The following NTM variants were observed in gnomAD, a reference collection of about 807,000 sequenced individuals.
The protein encoded by NTM is IgLON family member 2.
Under a neutral mutation model 42.1 loss-of-function variants are expected in NTM, and 13 were observed. That is an observed-to-expected ratio of 0.31 (90% CI 0.20 to 0.49). The LOEUF (loss-of-function observed/expected upper bound fraction) is 0.49. NTM is among the 20% of genes least tolerant of loss of function. The pLI, the probability that NTM is intolerant of heterozygous loss-of-function variation, is 0.99. For synonymous variants in NTM, 187 were observed against 179.2 expected, an observed-to-expected ratio of 1.04 and a Z score of -0.35; for missense variants, 373 against 452.8, an observed-to-expected ratio of 0.82 and a Z score of 1.60.
intron 1 of NTM, among the ~76,000 whole-genome samples, chr11:131,545,502 A>G (rs952401308): frequency 2.6e-5 from 4 of 152,150 alleles, no homozygotes; most frequent in African/African-American, 7.2e-5. Flanking sequence ...CCATACATCT[A>G]TCCATCCACC....
chr11:131,960,728 C>T (rs1164630094), intron 2 of NTM, among the ~76,000 whole-genome samples: 2 of 152,148 alleles, frequency 1.3e-5, no homozygotes, highest in Admixed American at 6.5e-5. Flanking sequence ...AAAGATCCAT[C>T]CTGTTCCCTT....
chr11:131,604,914 G>A lies in NTM; in HGVS notation c.82+234026G>A, dbSNP rs1341139663. On this transcript the variant is annotated intron_variant, in intron 1 of 8. Coordinates refer to ENST00000683400, the MANE Select transcript of NTM (RefSeq NM_001352005.2). ...TTCTGGACTCTATTCTATTTCATTG[G>A]TCTATATGTCTGCCTTTATGTCAAA... Among the ~76,000 whole-genome samples the A allele has an allele frequency of 2.0e-5, 3 of 150,652 alleles. No homozygotes were observed. In the East Asian group the frequency reaches 5.8e-4, roughly 29 times the overall value.
chr11:131,548,837 A>T (rs1369094633), intron 1 of NTM, among the ~76,000 whole-genome samples: 1 of 152,238 alleles, frequency 6.6e-6, no homozygotes, highest in Admixed American at 6.5e-5. Context: ...ATTTAAGGTC[A>T]GTTACCAAAT....
intron 1 of NTM, among the ~76,000 whole-genome samples, chr11:131,727,907 T>C (rs2135454835): frequency 6.6e-6 from 1 of 152,346 alleles, no homozygotes; most frequent in Middle Eastern, 3.4e-3. Context: ...ATCCTTATTG[T>C]ATAATTTTTG....
At chr11:132,157,726 G>C (rs1001429360) in intron 3 of NTM, among the ~76,000 whole-genome samples, 3 of 152,124 alleles carry the variant, frequency 2.0e-5, no homozygotes, top group Non-Finnish European at 4.4e-5. Context: ...GTAAAACATA[G>C]ATCTCTTGAA....
chr11:131,845,962 C>T (rs2044852448), intron 1 of NTM, among the ~76,000 whole-genome samples: 1 of 152,000 alleles, frequency 6.6e-6, no homozygotes, highest in Admixed American at 6.6e-5. Flanking sequence ...CCGAAACATT[C>T]CATTTAGCTT....
chr11:131,526,397 A>G (rs1202558195), intron 1 of NTM, among the ~76,000 whole-genome samples: 1 of 152,250 alleles, frequency 6.6e-6, no homozygotes, highest in Admixed American at 6.5e-5. Flanking sequence ...TAATCACCAT[A>G]GATGGGAGCG....
chr11:131,789,493 GAAA>G (rs2090107492), intron 1 of NTM, among the ~76,000 whole-genome samples: 1 of 2,968 alleles, frequency 3.4e-4, no homozygotes, highest in African/African-American at 1.2e-3. Flanking sequence ...AGAAGAAGAG[GAAA>G]GAAGAAGAAG....
At chr11:132,286,872 C>A (rs576120690) in intron 4 of NTM, among the ~76,000 whole-genome samples, 39 of 152,302 alleles carry the variant, frequency 2.6e-4, no homozygotes, top group South Asian at 1.2e-3. Context: ...TCCCTGAGAA[C>A]CCTGGCTATT....
chr11:131,620,870 A>G (rs1047332271), intron 1 of NTM, among the ~76,000 whole-genome samples: 7 of 152,202 alleles, frequency 4.6e-5, no homozygotes, highest in African/African-American at 1.4e-4. Flanking sequence ...TCGGTCCACT[A>G]ATATATTCTC....
chr11:131,767,705 G>A (rs1007452908), intron 1 of NTM, among the ~76,000 whole-genome samples: 3 of 152,212 alleles, frequency 2.0e-5, no homozygotes, highest in Admixed American at 1.3e-4. Flanking sequence ...CCAGAACTGT[G>A]AGAAACAAAT....
chr11:131,581,380 A>T lies in NTM; in HGVS notation c.82+210492A>T, dbSNP rs557041198. ...AGAGTTGCTTCAAGGAGAGGGAGGA[A>T]GTCTAACAGAGTCAGATGACGAAAT... On this transcript the variant is annotated intron_variant, in intron 1 of 8. Transcript: ENST00000683400. Among the ~76,000 whole-genome samples the T allele has an allele frequency of 2.1e-3, 323 of 152,332 alleles. 1 individual carries two copies. The highest frequency in any genetic ancestry group is 2.8e-3 in the Non-Finnish European group (190 of 68,024).
At chr11:131,775,832 A>G (rs1025545920) in intron 1 of NTM, among the ~76,000 whole-genome samples, 3 of 152,216 alleles carry the variant, frequency 2.0e-5, no homozygotes, top group Non-Finnish European at 2.9e-5. Context: ...GCCAAAACAC[A>G]ATGGTAATGT....
At chr11:131,491,037 T>C (rs1215410594) in intron 1 of NTM, among the ~76,000 whole-genome samples, 4 of 152,118 alleles carry the variant, frequency 2.6e-5, no homozygotes, top group African/African-American at 4.8e-5. Flanking sequence ...TGGCCCAGTA[T>C]TGGGGATATG....
intron 4 of NTM, among the ~76,000 whole-genome samples, chr11:132,291,652 C>T (rs2094454245): frequency 6.6e-6 from 1 of 152,086 alleles, no homozygotes; most frequent in Admixed American, 6.5e-5. Flanking sequence ...AGAACCTAGC[C>T]CTGAGGAGAA....
intron 2 of NTM, among the ~76,000 whole-genome samples, chr11:131,942,956 AAAAAT>A (rs1418136059): frequency 2.0e-5 from 3 of 146,458 alleles, no homozygotes; most frequent in Non-Finnish European, 3.1e-5. Context: ...AAAAAAAAAA[AAAAAT>A]GCGTAGAGTT....
intron 1 of NTM, among the ~76,000 whole-genome samples, chr11:131,620,319 C>G (rs898747539): frequency 6.6e-6 from 1 of 152,186 alleles, no homozygotes; most frequent in African/African-American, 2.4e-5. Flanking sequence ...TTTAAAATCC[C>G]TTTCCTGGTC....
chr11:132,133,934 G>T (rs7104573), intron 2 of NTM, among the ~76,000 whole-genome samples: 6 of 151,978 alleles, frequency 3.9e-5, no homozygotes, highest in African/African-American at 7.3e-5. Context: ...TTTCTTCCTC[G>T]GTGTTCTCTC....
chr11:132,010,677 G>C (rs1317350610), intron 2 of NTM, among the ~76,000 whole-genome samples: 2 of 148,352 alleles, frequency 1.3e-5, no homozygotes, highest in Non-Finnish European at 3.0e-5. Flanking sequence ...TACGGCAACT[G>C]ATGCTATCAC....
Sources: gnomAD v4.1 joint callset for allele counts (sites outside exome capture counted in the v4.1 genomes callset) on GRCh38, gnomAD v4.1.1 for gene constraint, MANE v1.5 for transcripts, NCBI Gene and HGNC (gene_info 2026-07-23, HGNC 2026-07-21) for gene names.